The following KCNMB2 variants were observed in gnomAD, a reference collection of about 807,000 sequenced individuals.
KCNMB2 encodes the protein potassium calcium-activated channel subfamily M regulatory beta subunit 2, also known as calcium-activated potassium channel subunit beta-2.
Under a neutral mutation model 24.5 loss-of-function variants are expected in KCNMB2, and 9 were observed. That is an observed-to-expected ratio of 0.37 (90% CI 0.22 to 0.64). KCNMB2 has a LOEUF of 0.64. KCNMB2 is among the 30% of genes least tolerant of loss of function. The pLI is 0.63. For synonymous variants in KCNMB2, 109 were observed against 104.4 expected, an observed-to-expected ratio of 1.04 and a Z score of -0.27; for missense variants, 226 against 284.3, an observed-to-expected ratio of 0.79 and a Z score of 1.47.
chr3:178,553,749 A>G (rs1484583940), intron 1 of KCNMB2, among the ~76,000 whole-genome samples: 2 of 152,248 alleles, frequency 1.3e-5, no homozygotes, highest in African/African-American at 2.4e-5. Flanking sequence ...CATGTTGGCC[A>G]GGCTGTTCTC....
At chr3:178,701,497 AGTCATT>A (rs747919610) in intron 1 of KCNMB2, among the ~76,000 whole-genome samples, 16 of 152,182 alleles carry the variant, frequency 1.1e-4, no homozygotes, top group Non-Finnish European at 1.9e-4. Flanking sequence ...CTGTGAAGAA[AGTCATT>A]GGTAGCTTGA....
At chr3:178,645,045 A>ATTT (rs10576689) in intron 1 of KCNMB2, among the ~76,000 whole-genome samples, 37 of 92,452 alleles carry the variant, frequency 4.0e-4, no homozygotes, top group African/African-American at 8.2e-4. Context: ...AAGATCCAAG[A>ATTT]TTTTTTTTTT....
chr3:178,654,842 C>G (rs9862125), intron 1 of KCNMB2, among the ~76,000 whole-genome samples: 1 of 152,106 alleles, frequency 6.6e-6, no homozygotes, highest in African/African-American at 2.4e-5. Context: ...GTAAGCTCTA[C>G]GGTCAGCCTG....
chr3:178,706,091 T>C (rs933825240), intron 1 of KCNMB2, among the ~76,000 whole-genome samples: 2 of 152,068 alleles, frequency 1.3e-5, no homozygotes, highest in Admixed American at 6.6e-5. Context: ...AGGCTGAACA[T>C]GAATAACCAC....
intron 1 of KCNMB2, among the ~76,000 whole-genome samples, chr3:178,627,271 A>G (rs986896410): frequency 7.9e-5 from 12 of 152,202 alleles, no homozygotes; most frequent in African/African-American, 2.9e-4. Flanking sequence ...TAAATGTACA[A>G]CTACAAAGAA....
At chr3:178,725,422 T>C (rs1253539503) in intron 1 of KCNMB2, among the ~76,000 whole-genome samples, 2 of 151,986 alleles carry the variant, frequency 1.3e-5, no homozygotes, top group Non-Finnish European at 2.9e-5. Flanking sequence ...TTATCACCAC[T>C]AACAATATGA....
At chr3:178,783,350 G>T (rs1447627897) in intron 1 of KCNMB2, among the ~76,000 whole-genome samples, 6 of 149,008 alleles carry the variant, frequency 4.0e-5, no homozygotes, top group African/African-American at 1.5e-4. Flanking sequence ...TAGCTTGATG[G>T]GGATGGCATT....
At chr3:178,801,123 C>T (rs1321483091) in intron 1 of KCNMB2, among the ~76,000 whole-genome samples, 1 of 151,984 alleles carries the variant, frequency 6.6e-6, no homozygotes, top group East Asian at 1.9e-4. Context: ...AATAGCACAA[C>T]AGGGTGACTG....
chr3:178,791,070 T>G (rs1713302743), intron 1 of KCNMB2, among the ~76,000 whole-genome samples: 1 of 152,218 alleles, frequency 6.6e-6, no homozygotes, highest in South Asian at 2.1e-4. Context: ...CAGACATTGC[T>G]GAACATCCAC....
At chr3:178,687,587 G>A (rs1721512838) in intron 1 of KCNMB2, among the ~76,000 whole-genome samples, 1 of 152,170 alleles carries the variant, frequency 6.6e-6, no homozygotes, top group Non-Finnish European at 1.5e-5. Context: ...CGGTAGGGCA[G>A]AGACAGAGTT....
intron 1 of KCNMB2, among the ~76,000 whole-genome samples, chr3:178,702,184 A>G (rs1722123151): frequency 6.6e-6 from 1 of 150,862 alleles, no homozygotes; most frequent in Non-Finnish European, 1.5e-5. Flanking sequence ...TCACAAGGAC[A>G]AAAAACCAAA....
chr3:178,602,539 C>T (rs1718119922), intron 1 of KCNMB2, among the ~76,000 whole-genome samples: 1 of 151,320 alleles, frequency 6.6e-6, no homozygotes, highest in Non-Finnish European at 1.5e-5. Context: ...AGGACAAGCC[C>T]TACTACAGCT....
At chr3:178,730,411 C>CCACA (rs71628069) in intron 1 of KCNMB2, among the ~76,000 whole-genome samples, 40 of 142,896 alleles carry the variant, frequency 2.8e-4, no homozygotes, top group East Asian at 1.4e-3. Flanking sequence ...CAACACCCCC[C>CCACA]CACACACACA....
chr3:178,603,173 G>GA (rs1189288560), intron 1 of KCNMB2, among the ~76,000 whole-genome samples: 1 of 152,124 alleles, frequency 6.6e-6, no homozygotes, highest in African/African-American at 2.4e-5. Context: ...AGATGGGACA[G>GA]AAAAATGGCA....
intron 1 of KCNMB2, among the ~76,000 whole-genome samples, chr3:178,661,505 G>C (rs940916048): frequency 6.6e-6 from 1 of 151,956 alleles, no homozygotes; most frequent in Non-Finnish European, 1.5e-5. Flanking sequence ...TCTCTCTTGC[G>C]GTCACTCTAC....
At chr3:178,728,211 A>G (rs1189020854) in intron 1 of KCNMB2, among the ~76,000 whole-genome samples, 1 of 152,134 alleles carries the variant, frequency 6.6e-6, no homozygotes, top group Non-Finnish European at 1.5e-5. Flanking sequence ...TTCCTTAAAG[A>G]GAGTGGGCAG....
intron 1 of KCNMB2, among the ~76,000 whole-genome samples, chr3:178,768,032 T>C (rs1265268524): frequency 6.7e-6 from 1 of 150,004 alleles, no homozygotes; most frequent in African/African-American, 2.5e-5. Flanking sequence ...TTTTTTTTTT[T>C]CCAGGAAAGA....
At chr3:178,641,459 T>C (rs1421877723) in intron 1 of KCNMB2, among the ~76,000 whole-genome samples, 2 of 152,170 alleles carry the variant, frequency 1.3e-5, no homozygotes, top group African/African-American at 4.8e-5. Flanking sequence ...TTTTTTTAAA[T>C]TTCAAATCCA....
intron 4 of KCNMB2, among the ~76,000 whole-genome samples, chr3:178,839,936 C>T (rs974376668): frequency 3.9e-5 from 6 of 152,166 alleles, no homozygotes; most frequent in African/African-American, 1.4e-4. Context: ...CCAACAGTCC[C>T]CCAAAGTCTT....
Sources: allele counts gnomAD v4.1 joint callset (sites outside exome capture counted in the v4.1 genomes callset), GRCh38; gene constraint gnomAD v4.1.1; transcripts MANE v1.5; gene names NCBI Gene and HGNC (gene_info 2026-07-23, HGNC 2026-07-21).